Variants in MAGI2 observed in about 807,000 individuals in gnomAD.
MAGI2 encodes the protein membrane-associated guanylate kinase, WW and PDZ domain-containing protein 2.
MAGI2 carries 35 observed loss-of-function variants against 133.3 expected under a neutral mutation model. The observed-to-expected ratio is 0.26, with a 90% CI of 0.20 to 0.35. The LOEUF is 0.35. MAGI2 is among the 10% of genes least tolerant of loss of function. MAGI2 has a pLI of 1.00. For synonymous variants in MAGI2, 729 were observed against 710.6 expected, an observed-to-expected ratio of 1.03 and a Z score of -0.41; for missense variants, 1,636 against 1,863.4, an observed-to-expected ratio of 0.88 and a Z score of 2.25.
At chr7:78,640,163 G>T (rs924904556) in intron 2 of MAGI2, among the ~76,000 whole-genome samples, 1 of 152,076 alleles carries the variant, frequency 6.6e-6, no homozygotes, top group East Asian at 1.9e-4. Context: ...TTTCCTTCCT[G>T]ATTGGAGAGC....
intron 6 of MAGI2, among the ~76,000 whole-genome samples, chr7:78,374,921 C>A (rs372133957): frequency 6.6e-6 from 1 of 151,988 alleles, no homozygotes; most frequent in Non-Finnish European, 1.5e-5. Flanking sequence ...CTCACTGCAA[C>A]CTTTACCTCC....
intron 9 of MAGI2, among the ~76,000 whole-genome samples, chr7:78,271,053 G>C (rs528988458): frequency 5.3e-5 from 8 of 152,216 alleles, no homozygotes; most frequent in East Asian, 3.9e-4. Context: ...GTTTTCAAAG[G>C]GGGGAATGCT....
chr7:78,809,817 A>G (rs1297340585), intron 2 of MAGI2, among the ~76,000 whole-genome samples: 1 of 152,168 alleles, frequency 6.6e-6, no homozygotes, highest in Non-Finnish European at 1.5e-5. Context: ...AGGATACTTG[A>G]CTTAAACAGA....
intron 1 of MAGI2, among the ~76,000 whole-genome samples, chr7:79,039,556 A>G (rs2116888932): frequency 6.6e-6 from 1 of 152,126 alleles, no homozygotes; most frequent in Non-Finnish European, 1.5e-5. Flanking sequence ...GAAACAATCA[A>G]CAGAGTGAAG....
intron 12 of MAGI2, among the ~76,000 whole-genome samples, chr7:78,193,117 C>T (rs1225028018): frequency 1.3e-5 from 2 of 152,070 alleles, no homozygotes; most frequent in South Asian, 2.1e-4. Context: ...GCATCATGTA[C>T]AAGAAACTGA....
chr7:79,382,376 T>C (rs1843853982), intron 1 of MAGI2, among the ~76,000 whole-genome samples: 2 of 151,658 alleles, frequency 1.3e-5, no homozygotes, highest in South Asian at 4.1e-4. Context: ...TTCTACAATT[T>C]AATTATCATT....
At chr7:79,376,486 A>C (rs369950032) in intron 1 of MAGI2, among the ~76,000 whole-genome samples, 2 of 151,856 alleles carry the variant, frequency 1.3e-5, no homozygotes, top group Non-Finnish European at 2.9e-5. Flanking sequence ...CCTTGACAAC[A>C]TGTCAGAAAG....
intron 3 of MAGI2, among the ~76,000 whole-genome samples, chr7:78,529,501 T>G (rs1245193472): frequency 7.9e-5 from 12 of 152,156 alleles, no homozygotes; most frequent in Non-Finnish European, 1.8e-4. Context: ...CATTTGTAAC[T>G]ATAACATAAA....
At chr7:79,178,095 T>C (rs772731982) in intron 1 of MAGI2, among the ~76,000 whole-genome samples, 28 of 152,010 alleles carry the variant, frequency 1.8e-4, no homozygotes, top group Non-Finnish European at 3.7e-4. Context: ...ATCCTAAAAG[T>C]CCTACACTGT....
intron 1 of MAGI2, among the ~76,000 whole-genome samples, chr7:79,350,069 A>C (rs1443685947): frequency 6.6e-6 from 1 of 152,130 alleles, no homozygotes; most frequent in Non-Finnish European, 1.5e-5. Flanking sequence ...CAGAACTTGA[A>C]ATTAAGACCA....
At chr7:78,912,767 CAT>C (rs1484085600) in intron 2 of MAGI2, among the ~76,000 whole-genome samples, 1 of 143,972 alleles carries the variant, frequency 6.9e-6, no homozygotes, top group East Asian at 2.0e-4. Context: ...ATATATCATT[CAT>C]ATATATATCA....
intron 2 of MAGI2, among the ~76,000 whole-genome samples, chr7:78,680,779 A>T (rs1458588083): frequency 6.6e-6 from 1 of 152,164 alleles, no homozygotes; most frequent in Non-Finnish European, 1.5e-5. Flanking sequence ...TGTGCTCCTT[A>T]GAGGAGTAAG....
intron 2 of MAGI2, among the ~76,000 whole-genome samples, chr7:78,628,132 G>C (rs1339790859): frequency 6.6e-6 from 1 of 152,206 alleles, no homozygotes; most frequent in Non-Finnish European, 1.5e-5. Flanking sequence ...TCCAGTTTGT[G>C]AGGCAAGAGC....
chr7:78,127,434 G>T lies in MAGI2; in HGVS notation c.3204-18C>A. 1.9e-6 allele frequency: 3 copies of T among 1,583,582 alleles called. No homozygotes were observed. The highest frequency in any genetic ancestry group is 2.6e-6 in the Non-Finnish European group (3 of 1,164,702). ...ACCTGTAACTAAATCAATGGAAATG[G>T]GATTTGCTTTTGTAACTCTGCATTC... On this transcript the variant is annotated intron_variant, in intron 18 of 21. Transcript: ENST00000354212.
chr7:79,227,464 A>G (rs1830957765), intron 1 of MAGI2, among the ~76,000 whole-genome samples: 1 of 152,232 alleles, frequency 6.6e-6, no homozygotes, highest in Non-Finnish European at 1.5e-5. Context: ...AAAGCTAGGC[A>G]AGAAATTTGC....
chr7:78,593,387 G>A (rs1282840674), intron 3 of MAGI2, among the ~76,000 whole-genome samples: 2 of 152,016 alleles, frequency 1.3e-5, no homozygotes, highest in East Asian at 2.0e-4. Context: ...GCGAGACTCC[G>A]TCTCAAAAAA....
chr7:79,186,291 A>ATAT (rs35235952), intron 1 of MAGI2, among the ~76,000 whole-genome samples: 20 of 144,566 alleles, frequency 1.4e-4, no homozygotes, highest in East Asian at 8.2e-4. Context: ...TATATATATA[A>ATAT]AGTTTAATGA....
At chr7:78,840,984 C>T (rs1331494558) in intron 2 of MAGI2, among the ~76,000 whole-genome samples, 2 of 151,862 alleles carry the variant, frequency 1.3e-5, no homozygotes, top group Non-Finnish European at 2.9e-5. Flanking sequence ...TTCGTTATGC[C>T]CTCTATTTCT....
intron 2 of MAGI2, among the ~76,000 whole-genome samples, chr7:78,762,046 C>T (rs1824564210): frequency 6.6e-6 from 1 of 152,162 alleles, no homozygotes; most frequent in South Asian, 2.1e-4. Flanking sequence ...TCTTTCATTG[C>T]TCACATTTGA....
Sources: gnomAD v4.1 joint callset for allele counts (sites outside exome capture counted in the v4.1 genomes callset) on GRCh38, gnomAD v4.1.1 for gene constraint, MANE v1.5 for transcripts, NCBI Gene and HGNC (gene_info 2026-07-23, HGNC 2026-07-21) for gene names.